Variants in EZH1 observed in about 807,000 individuals in gnomAD.
EZH1 encodes the protein histone-lysine N-methyltransferase EZH1.
A neutral mutation model predicts 100.5 loss-of-function variants in EZH1; 33 were observed. That is an observed-to-expected ratio of 0.33 (90% confidence interval 0.25 to 0.44). The LOEUF is 0.44. Ranked by LOEUF, EZH1 falls within the 20% of genes least tolerant of loss-of-function variation. The pLI is 1.00. For synonymous variants in EZH1, 272 were observed against 313.8 expected, an observed-to-expected ratio of 0.87 and a Z score of 1.41; for missense variants, 475 against 928.4, an observed-to-expected ratio of 0.51 and a Z score of 6.35.
At chr17:42,708,662 AG>A (rs1359335670) in intron 14 of EZH1, among the ~76,000 whole-genome samples, 1 of 152,202 alleles carries the variant, frequency 6.6e-6, no homozygotes, top group Non-Finnish European at 1.5e-5. Context: ...CTCAAAAAAA[AG>A]AAAAATCACA....
In EZH1 at chr17:42,706,811, G is replaced by C. The variant is rs1344739275; in HGVS notation, c.1661-626C>G. On this transcript the variant is annotated intron_variant, in intron 15 of 20. Transcript: ENST00000428826. The surrounding 1 kb of genome is among the most constrained non-coding windows in gnomAD (Gnocchi z 4.4). The stretch of plus-strand genomic sequence containing the variant: ...GTACCCCAGAGAATATGAAATCAGT[G>C]TGTTTCACTGGTAAATTGTCACCAT... Among the ~76,000 whole-genome samples the C allele has an allele frequency of 1.3e-5, 2 of 152,108 alleles. No homozygotes were observed. The highest frequency in any genetic ancestry group is 4.8e-5 in the African/African-American group (2 of 41,400).
intron 11 of EZH1, among the ~76,000 whole-genome samples, chr17:42,712,928 C>T (rs1352092720): frequency 3.3e-5 from 5 of 149,352 alleles, no homozygotes; most frequent in African/African-American, 1.2e-4. Flanking sequence ...ATCCCAGCTA[C>T]TTGGGAGGCT....
At chr17:42,704,463 C>T in intron 18 of EZH1, 139 bp downstream of exon 18, 1 of 585,746 alleles carries the variant, frequency 1.7e-6, no homozygotes, top group South Asian at 2.2e-5. Context: ...ATCACTTGAA[C>T]CCGGGAGGCA....
intron 15 of EZH1, 100 bp downstream of exon 15, chr17:42,707,858 A>G: frequency 7.0e-7 from 1 of 1,418,550 alleles, no homozygotes; most frequent in Non-Finnish European, 9.8e-7. Context: ...AGGGGATATC[A>G]GAAGGCCATA....
intron 12 of EZH1, among the ~76,000 whole-genome samples, chr17:42,710,386 T>C (rs2053452555): frequency 6.6e-6 from 1 of 152,194 alleles, no homozygotes; most frequent in African/African-American, 2.4e-5. Flanking sequence ...CCTCAGCCAT[T>C]TCAATAGGAT....
chr17:42,708,786 T>A lies in EZH1; in HGVS notation c.1534+90A>T. 4 of 1,405,484 alleles carry A rather than the reference T, an allele frequency of 2.8e-6. No individual in the cohort carries two copies. In the South Asian group the frequency reaches 4.6e-5, roughly 16 times the overall value. 87.1% of individuals were successfully genotyped at this position (1,405,484 alleles called of 1,614,324 possible). A position where few individuals can be genotyped will look rare whatever the true frequency, so the allele number is the denominator to read the frequency against. ...TGCAATCTGCGGAAGTGGCACAGGG[T>A]CAACAAGTGCAGCTGGAGGTGGGGT... On this transcript the variant is annotated intron_variant, in intron 14 of 20. Coordinates refer to ENST00000428826, the MANE Select transcript of EZH1 (RefSeq NM_001991.5).
intron 3 of EZH1, 93 bp downstream of exon 3, chr17:42,728,732 A>G: frequency 6.0e-6 from 8 of 1,322,588 alleles, no homozygotes; most frequent in South Asian, 1.4e-5. Context: ...ACAGAGTGAG[A>G]CTCTGTCTCA....
intron 10 of EZH1, among the ~76,000 whole-genome samples, chr17:42,717,625 T>A (rs1361949641): frequency 6.6e-6 from 1 of 152,180 alleles, no homozygotes; most frequent in Non-Finnish European, 1.5e-5. Flanking sequence ...CTCATAGTTA[T>A]ATGCATTTAT....
At chr17:42,727,480 C>T (rs747838564) in intron 4 of EZH1, among the ~76,000 whole-genome samples, 155 bp downstream of exon 4, 20 of 151,922 alleles carry the variant, frequency 1.3e-4, no homozygotes, top group Admixed American at 7.2e-4. Flanking sequence ...TCACCTCAAG[C>T]GATTTTCCCA....
chr17:42,742,849 G>A (rs572432388), intron 1 of EZH1, among the ~76,000 whole-genome samples: 40 of 151,978 alleles, frequency 2.6e-4, no homozygotes, highest in African/African-American at 8.4e-4. Context: ...ATGTATGTGC[G>A]TTTTTAAGTA....
rs576582183 is a variant in EZH1 at position 42,742,939 on chromosome 17, G to T, written c.-103+2072C>A. ...ATGCTGCAATGCAGTGGTGCATGTC[G>T]GCTCACTGCAACTTCCACCTCCCAG... On this transcript the variant is annotated intron_variant, in intron 1 of 20. Coordinates refer to ENST00000428826, the MANE Select transcript of EZH1 (RefSeq NM_001991.5). Among the ~76,000 whole-genome samples, 10 of 151,586 alleles carry T rather than the reference G, an allele frequency of 6.6e-5. No homozygotes were observed. The East Asian group carries it at 1.4e-3, about 21-fold the overall frequency.
At chr17:42,738,531 A>AT (rs140094331) in intron 1 of EZH1, among the ~76,000 whole-genome samples, 53,008 of 148,790 alleles carry the variant, frequency 0.36, 11,556 homozygotes, top group Non-Finnish European at 0.5. Context: ...TATTTTTTTT[A>AT]TTTTTTTTTG....
chr17:42,717,197 A>C (rs2053622618), intron 10 of EZH1, among the ~76,000 whole-genome samples: 1 of 152,192 alleles, frequency 6.6e-6, no homozygotes, highest in African/African-American at 2.4e-5. Context: ...GATACTTGGC[A>C]CATAGGAAGG....
rs953924561 is a variant in EZH1 at position 42,718,256 on chromosome 17, G to A, written c.932-189C>T. The A allele has an allele frequency of 2.3e-5, 19 of 843,720 alleles. No individual in the cohort carries two copies. The South Asian group carries it at 3.2e-4, about 14-fold the overall frequency. 52.3% of individuals were successfully genotyped at this position (843,720 alleles called of 1,614,324 possible). A position where few individuals can be genotyped will look rare whatever the true frequency, so the allele number is the denominator to read the frequency against. ...CAAAGCTAAGAGGTACTGAGGGACA[G>A]ATAAGTTGCTAGTTAGTCTGTCCCT... On this transcript the variant is annotated intron_variant, in intron 9 of 20. Coordinates refer to ENST00000428826, the MANE Select transcript of EZH1 (RefSeq NM_001991.5). The surrounding 1 kb of genome is among the most constrained non-coding windows in gnomAD (Gnocchi z 4.2).
In EZH1 at chr17:42,713,314, T is replaced by C. The variant is rs768509416; in HGVS notation, c.1099A>G (p.Ile367Val). ...GCATTGGAGCAGGAAGCACTGACTA[T>C]GTGGTGCCTTCTCCGGCGACGACCA... ...CSGRRRRRHH[I>V]VSASCSNASA... The change falls in exon 11 of 21, where the codon ATA (isoleucine) becomes GTA (valine). Residue 367 changes from isoleucine to valine, a missense_variant. This residue lies in a region of EZH1 where 180 missense variants were observed against 295.3 expected (regional missense o/e 0.61). Coordinates refer to ENST00000428826, the MANE Select transcript of EZH1 (RefSeq NM_001991.5). 1 of 1,613,298 alleles carries C rather than the reference T, an allele frequency of 6.2e-7. No homozygotes were observed. Among genetic ancestry groups the C allele is most frequent in the Middle Eastern group, 1.7e-4 (1 of 6,060 alleles).
rs770473440 is a variant in EZH1 at position 42,727,683 on chromosome 17, T to C, written c.198A>G (p.Gln66=). 6 of 1,609,772 alleles carry C rather than the reference T, an allele frequency of 3.7e-6. No individual in the cohort carries two copies. The highest frequency in any genetic ancestry group is 1.1e-5 in the South Asian group (1 of 89,926). The part of the protein sequence containing the change: ...LNEEWKKLRV[Q]PVQSMKPVSG... The stretch of plus-strand genomic sequence containing the variant: ...TCACAGGCTTCATTGACTGAACAGG[T>C]TGGACACGAAGCTTCTTCCATTCTT... Residue 66 remains glutamine, a synonymous_variant, in exon 4 of 21, where the codon CAA becomes CAG. Coordinates refer to ENST00000428826, the MANE Select transcript of EZH1 (RefSeq NM_001991.5).
chr17:42,738,473 G>C (rs867387680), intron 1 of EZH1, among the ~76,000 whole-genome samples: 2 of 151,496 alleles, frequency 1.3e-5, no homozygotes, highest in African/African-American at 4.8e-5. Context: ...TTTTTGAGAC[G>C]GAATCTCGCT....
intron 10 of EZH1, chr17:42,714,155 T>C (rs1001442675): frequency 2.6e-5 from 4 of 152,556 alleles, no homozygotes; most frequent in African/African-American, 9.6e-5. Context: ...TTTTAAAAAA[T>C]GAAATAATTA....
At chr17:42,738,064 T>A (rs1353500368) in intron 1 of EZH1, among the ~76,000 whole-genome samples, 1 of 150,860 alleles carries the variant, frequency 6.6e-6, no homozygotes, top group Admixed American at 6.7e-5. Flanking sequence ...TAGTCCCAGC[T>A]ACTCAGGAGG....
Sources: gnomAD v4.1 joint callset for allele counts (sites outside exome capture counted in the v4.1 genomes callset) on GRCh38, gnomAD v4.1.1 for gene constraint, gnomAD v4.1.1 regional missense constraint, Gnocchi (gnomAD v3.1) non-coding constraint, MANE v1.5 for transcripts, NCBI Gene and HGNC (gene_info 2026-07-23, HGNC 2026-07-21) for gene names.